ROMO1: variants seen among roughly 807,000 people sequenced by gnomAD.
The protein encoded by ROMO1 is PCM19.
In ROMO1, 8 loss-of-function variants were observed where a neutral mutation model predicts 7.4. That is an observed-to-expected ratio of 1.08 (90% CI 0.63 to 1.95). The LOEUF (loss-of-function observed/expected upper bound fraction) is 1.95. ROMO1 is among the 30% of genes most tolerant of loss of function. ROMO1 has a pLI of 0.00. For missense variants in ROMO1, 91 were observed against 115.9 expected (o/e 0.79, Z 0.99); for synonymous variants, 43 against 41.4 (o/e 1.04, Z -0.15).
chr20:35,700,770 A>G, intron 2 of ROMO1, 28 bp from the exon 3 acceptor site: 2 of 1,595,374 alleles, frequency 1.3e-6, no homozygotes, highest in Non-Finnish European at 8.6e-7. Flanking sequence ...TTTGTTACCA[A>G]ATAGCTCCAT....
At chr20:35,700,646 C>G (rs1318720729) in intron 2 of ROMO1, 152 bp from the exon 3 acceptor site, 1 of 655,792 alleles carries the variant, frequency 1.5e-6, no homozygotes, top group Admixed American at 2.3e-5. Flanking sequence ...CTTCTCATTA[C>G]CCACCCCAGG....
In ROMO1 at chr20:35,699,728, G is replaced by T; in HGVS notation, c.96G>T (p.Ala32=). Residue 32 remains alanine, a synonymous_variant, in exon 2 of 3, where the codon GCG becomes GCT. Coordinates refer to ENST00000374077, the MANE Select transcript of ROMO1 (RefSeq NM_080748.3). This position sits in a 1 kb window ranked among gnomAD's most constrained non-coding sequence, Gnocchi z 4.4. The part of the protein sequence containing the change: ...GFVMGCAVGM[A]AGALFGTFSC... ...TGATGGGTTGCGCCGTGGGCATGGC[G>T]GCCGGGGCGCTCTTCGGCACCTTTT... 2 of 1,612,670 alleles carry T rather than the reference G, an allele frequency of 1.2e-6. No individual in the cohort carries two copies.
At chr20:35,700,734 G>C (rs1442855548) in intron 2 of ROMO1, 64 bp from the exon 3 acceptor site, 1 of 1,378,248 alleles carries the variant, frequency 7.3e-7, no homozygotes, top group Non-Finnish European at 1.0e-6. Context: ...AATTGGAAAG[G>C]AGCAGTTAAT....
chr20:35,700,713 T>G, intron 2 of ROMO1, 85 bp from the exon 3 acceptor site: 2 of 1,071,572 alleles, frequency 1.9e-6, no homozygotes, highest in Non-Finnish European at 2.9e-6. Context: ...GCTAGACTAG[T>G]GTTAGCAAAA....
chr20:35,700,166 C>A (rs2035232088), intron 2 of ROMO1, among the ~76,000 whole-genome samples: 1 of 151,674 alleles, frequency 6.6e-6, no homozygotes, highest in Non-Finnish European at 1.5e-5. Flanking sequence ...TTTCCAATTG[C>A]GCATAAGGAA....
chr20:35,699,908 A>G lies in ROMO1; in HGVS notation c.131+145A>G. On this transcript the variant is annotated intron_variant, in intron 2 of 2. Transcript: ENST00000374077. This position sits in a 1 kb window ranked among gnomAD's most constrained non-coding sequence, Gnocchi z 4.4. ...GCCAGACTCATTCCAAACCACCTTC[A>G]ATCTGTAAAGTCAGGTTGGAAGCGT... 1.8e-6 allele frequency: 2 copies of G among 1,107,340 alleles called. No homozygotes were observed. The highest frequency in any genetic ancestry group is 2.5e-6 in the Non-Finnish European group (2 of 794,954). 68.6% of individuals were successfully genotyped at this position (1,107,340 alleles called of 1,614,324 possible).
intron 2 of ROMO1, 107 bp from the exon 3 acceptor site, chr20:35,700,691 G>C: frequency 1.2e-6 from 1 of 808,374 alleles, no homozygotes; most frequent in Admixed American, 1.9e-5. Flanking sequence ...TGGAAAATCA[G>C]ATGTAGGGGT....
Position 35,699,488 on chromosome 20 carries a change from G to T in ROMO1, c.-1+32G>T. The T allele has an allele frequency of 7.8e-7, 1 of 1,286,754 alleles. No homozygotes were observed. The highest frequency in any genetic ancestry group is 1.1e-6 in the Non-Finnish European group (1 of 935,886). 79.7% of individuals were successfully genotyped at this position (1,286,754 alleles called of 1,614,324 possible). A position where few individuals can be genotyped will look rare whatever the true frequency, so the allele number is the denominator to read the frequency against. On this transcript the variant is annotated intron_variant, in intron 1 of 2. Transcript: ENST00000374077. The surrounding 1 kb of genome is among the most constrained non-coding windows in gnomAD (Gnocchi z 4.4). ...GCCGGGCGACGCGGGGCCGGAACGCGAAGAGGGTGGTGGAGTCGGGCTACC... is the reference window on the plus strand; with the variant it reads ...GCCGGGCGACGCGGGGCCGGAACGCTAAGAGGGTGGTGGAGTCGGGCTACC...
At position 35,700,967 on chromosome 20, in the gene ROMO1, A is replaced by G; in HGVS notation, c.*61A>G. The G allele has an allele frequency of 8.2e-7, 1 of 1,224,650 alleles. No homozygotes were observed. 75.9% of individuals were successfully genotyped at this position (1,224,650 alleles called of 1,614,324 possible). On this transcript the variant is annotated 3_prime_UTR_variant, in exon 3 of 3. Transcript: ENST00000374077. ...ATCCCAGCCCATGTACTAATAAAAGAAAGTCTTTGAGTAGTCAGTGTCCCT... is the reference window on the plus strand; with the variant it reads ...ATCCCAGCCCATGTACTAATAAAAGGAAGTCTTTGAGTAGTCAGTGTCCCT...
Position 35,700,966 on chromosome 20 carries a change from G to T in ROMO1, c.*60G>T. The T allele has an allele frequency of 3.3e-6, 4 of 1,221,036 alleles. No individual in the cohort carries two copies. In the South Asian group the frequency reaches 4.8e-5, roughly 15 times the overall value. 75.6% of individuals were successfully genotyped at this position (1,221,036 alleles called of 1,614,324 possible). On this transcript the variant is annotated 3_prime_UTR_variant, in exon 3 of 3. Coordinates refer to ENST00000374077, the MANE Select transcript of ROMO1 (RefSeq NM_080748.3). ...AATCCCAGCCCATGTACTAATAAAAGAAAGTCTTTGAGTAGTCAGTGTCCC... is the reference window on the plus strand; with the variant it reads ...AATCCCAGCCCATGTACTAATAAAATAAAGTCTTTGAGTAGTCAGTGTCCC...
rs762466517 is a variant in ROMO1, at chr20:35,700,798, G to C, written c.132G>C (p.Arg44Ser). Residue 44 changes from arginine to serine, a missense_variant and splice_region_variant, in exon 3 of 3, where the codon AGG becomes AGC. Transcript: ENST00000374077. ...AGCTCCATCTTGGTTTCCTCCTCAG[G>C]ATCGGAATGCGGGGTCGAGAGCTGA... ...GALFGTFSCL[R>S]IGMRGRELMG... 1.9e-6 allele frequency: 3 copies of C among 1,613,786 alleles called. No individual in the cohort carries two copies. In the African/African-American group the frequency reaches 4.0e-5, roughly 22 times the overall value.
Position 35,699,407 on chromosome 20 carries a change from T to C in ROMO1, c.-50T>C, listed in dbSNP as rs936022923. ...GGGCCGCGAGCGCCCTCCCCGTCGT[T>C]TTCCGTGAGAGACGTAGAGCTGAGC... On this transcript the variant is annotated 5_prime_UTR_variant, in exon 1 of 3. Coordinates refer to ENST00000374077, the MANE Select transcript of ROMO1 (RefSeq NM_080748.3). This position sits in a 1 kb window ranked among gnomAD's most constrained non-coding sequence, Gnocchi z 4.4. 2.5e-6 allele frequency: 3 copies of C among 1,223,606 alleles called. No individual in the cohort carries two copies. In the African/African-American group the frequency reaches 4.7e-5, roughly 19 times the overall value. 75.8% of individuals were successfully genotyped at this position (1,223,606 alleles called of 1,614,324 possible).
chr20:35,699,813 C>T lies in ROMO1; in HGVS notation c.131+50C>T. ...TGGGCAGGACAACCAGACCTTCCGG[C>T]CCTGCCCCATTCGGCCTGGAGCCTG... On this transcript the variant is annotated intron_variant, in intron 2 of 2. Coordinates refer to ENST00000374077, the MANE Select transcript of ROMO1 (RefSeq NM_080748.3). This position sits in a 1 kb window ranked among gnomAD's most constrained non-coding sequence, Gnocchi z 4.4. The T allele has an allele frequency of 6.4e-7, 1 of 1,565,770 alleles. No individual in the cohort carries two copies. Among genetic ancestry groups the T allele is most frequent in the Non-Finnish European group, 8.6e-7 (1 of 1,159,578 alleles).
chr20:35,700,639 C>T, intron 2 of ROMO1, 159 bp from the exon 3 acceptor site: 3 of 642,518 alleles, frequency 4.7e-6, no homozygotes, highest in African/African-American at 3.6e-5. Context: ...CTTTTTCCTT[C>T]TCATTACCCA....
intron 2 of ROMO1, among the ~76,000 whole-genome samples, chr20:35,700,440 C>T (rs978589933): frequency 6.6e-6 from 1 of 152,104 alleles, no homozygotes; most frequent in Non-Finnish European, 1.5e-5. Flanking sequence ...TGAACCCCCA[C>T]CTTACTCCAA....
rs2035214993 is a variant in ROMO1, at chr20:35,699,605, T to A, written c.1-28T>A. On this transcript the variant is annotated intron_variant, in intron 1 of 2. Coordinates refer to ENST00000374077, the MANE Select transcript of ROMO1 (RefSeq NM_080748.3). This position sits in a 1 kb window ranked among gnomAD's most constrained non-coding sequence, Gnocchi z 4.4. ...CCCGCCCGACTCTTGGGCCAGCGCC[T>A]GGGCCCACACTTTCCTATCCCCCGC... 6.2e-7 allele frequency: 1 copy of A among 1,609,914 alleles called. No homozygotes were observed. Among genetic ancestry groups the A allele is most frequent in the East Asian group, 2.2e-5 (1 of 44,796 alleles).
intron 2 of ROMO1, among the ~76,000 whole-genome samples, chr20:35,700,088 C>G (rs1429016218): frequency 3.9e-5 from 6 of 152,168 alleles, no homozygotes; most frequent in African/African-American, 1.4e-4. Context: ...TCGATCAGCA[C>G]ACTTTGCACA....
rs1270023356 is a variant in ROMO1 at position 35,699,590 on chromosome 20, T to G, written c.1-43T>G. 2 of 1,607,038 alleles carry G rather than the reference T, an allele frequency of 1.2e-6. No homozygotes were observed. Among genetic ancestry groups the G allele is most frequent in the African/African-American group, 2.7e-5 (2 of 74,844 alleles). On this transcript the variant is annotated intron_variant, in intron 1 of 2. Coordinates refer to ENST00000374077, the MANE Select transcript of ROMO1 (RefSeq NM_080748.3). The surrounding 1 kb of genome is among the most constrained non-coding windows in gnomAD (Gnocchi z 4.4). ...CCTACCGCTTCCGTCCCCGCCCGACTCTTGGGCCAGCGCCTGGGCCCACAC... is the reference window on the plus strand; with the variant it reads ...CCTACCGCTTCCGTCCCCGCCCGACGCTTGGGCCAGCGCCTGGGCCCACAC...
chr20:35,699,474 C>T lies in ROMO1; in HGVS notation c.-1+18C>T. On this transcript the variant is annotated intron_variant, in intron 1 of 2. Transcript: ENST00000374077. This position sits in a 1 kb window ranked among gnomAD's most constrained non-coding sequence, Gnocchi z 4.4. ...GAGGTGAGGTAGGCGCCGGGCGACG[C>T]GGGGCCGGAACGCGAAGAGGGTGGT... 1.6e-6 allele frequency: 2 copies of T among 1,232,562 alleles called. No individual in the cohort carries two copies. The highest frequency in any genetic ancestry group is 2.2e-6 in the Non-Finnish European group (2 of 894,660). The allele number at this position is 1,232,562 out of a possible 1,614,324, so 76.4% of individuals were successfully genotyped here.
Sources: gnomAD v4.1 joint callset for allele counts (sites outside exome capture counted in the v4.1 genomes callset) on GRCh38, gnomAD v4.1.1 for gene constraint, Gnocchi (gnomAD v3.1) non-coding constraint, MANE v1.5 for transcripts, NCBI Gene and HGNC (gene_info 2026-07-23, HGNC 2026-07-21) for gene names.